TTL: variants seen among roughly 807,000 people sequenced by gnomAD.
TTL encodes the protein tubulin tyrosine ligase.
In TTL, 10 loss-of-function variants were observed where a neutral mutation model predicts 41.1. That is an observed-to-expected ratio of 0.24 (90% CI 0.15 to 0.41). The LOEUF (loss-of-function observed/expected upper bound fraction) is 0.41, where lower values mean the gene tolerates loss of function less well. TTL is among the 10% of genes least tolerant of loss of function. TTL has a pLI of 1.00. For missense variants in TTL, 367 were observed against 460.4 expected, an observed-to-expected ratio of 0.80 and a Z score of 1.86; for synonymous variants, 175 against 175.5, an observed-to-expected ratio of 1.00 and a Z score of 0.02.
chr2:112,526,045 A>G (rs1297848375), intron 6 of TTL, among the ~76,000 whole-genome samples: 1 of 152,202 alleles, frequency 6.6e-6, no homozygotes, highest in East Asian at 1.9e-4. Context: ...TGAGATAATC[A>G]TGTGGTTTTT....
chr2:112,521,144 C>T (rs571070580), intron 6 of TTL: 4 of 983,140 alleles, frequency 4.1e-6, no homozygotes, highest in African/African-American at 1.7e-5. Flanking sequence ...GGTTCCGCTG[C>T]ACCAAAGGTT....
Position 112,539,009 on chromosome 2 carries a change from CAGG to C in TTL, c.*10218_*10220del, listed in dbSNP as rs1682656333. 6.6e-6 allele frequency: 1 copy of C among 150,794 alleles called. No homozygotes were observed. The highest frequency in any genetic ancestry group is 1.5e-5 in the Non-Finnish European group (1 of 68,054). The allele number at this position is 150,794 out of a possible 1,614,324, so 9.3% of individuals were successfully genotyped here. A position where few individuals can be genotyped will look rare whatever the true frequency, so the allele number is the denominator to read the frequency against. On this transcript the variant is annotated 3_prime_UTR_variant, in exon 7 of 7. Coordinates refer to ENST00000233336, the MANE Select transcript of TTL (RefSeq NM_153712.5). ...GCAGGCGCCTGTAATCCCAGCTACT[CAGG>C]AGGCTGAAGCAGGGGAATCACTTGA... is the stretch of plus-strand genomic sequence containing the variant.
rs1049303723 is a variant in TTL at position 112,530,560 on chromosome 2, A to G, written c.*1765A>G. The stretch of plus-strand genomic sequence containing the variant: ...CTGATCGGATCCTGGGAAGATGTAT[A>G]CCCAGTTAGAACGTGTAGGGTTCTG... On this transcript the variant is annotated 3_prime_UTR_variant, in exon 7 of 7. Transcript: ENST00000233336. The G allele has an allele frequency of 3.1e-5, 7 of 228,446 alleles. No individual in the cohort carries two copies. Among genetic ancestry groups the G allele is most frequent in the Admixed American group, 5.7e-5 (1 of 17,572 alleles). The allele number at this position is 228,446 out of a possible 1,614,324, so 14.2% of individuals were successfully genotyped here.
Position 112,482,950 on chromosome 2 carries a change from G to A in TTL, c.157+449G>A, listed in dbSNP as rs1434309442. On this transcript the variant is annotated intron_variant, in intron 1 of 6. Transcript: ENST00000233336. The surrounding 1 kb of genome is among the most constrained non-coding windows in gnomAD (Gnocchi z 5.3). Reference sequence around the variant, plus strand: ...CCCTGCTTGGCGTGGGCGCGGGCGGGGGAGCCGTAGGTGTTGAAACCCCTG... The same window carrying A: ...CCCTGCTTGGCGTGGGCGCGGGCGGAGGAGCCGTAGGTGTTGAAACCCCTG... Among the ~76,000 whole-genome samples, 1 of 152,186 alleles carries A rather than the reference G, an allele frequency of 6.6e-6. No homozygotes were observed. The highest frequency in any genetic ancestry group is 1.5e-5 in the Non-Finnish European group (1 of 68,020).
chr2:112,494,901 C>T lies in TTL; in HGVS notation c.469+526C>T, dbSNP rs559396853. Among the ~76,000 whole-genome samples, 11 of 152,266 alleles carry T rather than the reference C, an allele frequency of 7.2e-5. No individual in the cohort carries two copies. In the South Asian group the frequency reaches 1.9e-3, roughly 26 times the overall value. ...CATTCTTTTTACTGTGTGTAACTGC[C>T]GAGCCTGCTCTCAACCAGTTCTCCT... On this transcript the variant is annotated intron_variant, in intron 3 of 6. Transcript: ENST00000233336.
chr2:112,483,359 C>T (rs1371374519), intron 1 of TTL: 2 of 152,372 alleles, frequency 1.3e-5, no homozygotes, highest in Middle Eastern at 3.4e-3. Context: ...AACTCACATC[C>T]TATTGACCTG....
chr2:112,494,463 C>G, intron 3 of TTL, 88 bp downstream of exon 3: 1 of 1,044,828 alleles, frequency 9.6e-7, no homozygotes, highest in Non-Finnish European at 1.4e-6. Flanking sequence ...TAATCTGAAT[C>G]ATCGAAGGTT....
intron 5 of TTL, among the ~76,000 whole-genome samples, chr2:112,515,948 GAATAAATAAATAAATAAATAAATAAATA>G (rs59842188): frequency 2.1e-5 from 3 of 145,630 alleles, no homozygotes; most frequent in Admixed American, 6.9e-5. Flanking sequence ...CTCCATCTCA[GAATAAATAAATAAATAAATAAATAAATA>G]AATAAATAAA....
At chr2:112,515,263 G>T (rs1276435165) in intron 5 of TTL, among the ~76,000 whole-genome samples, 1 of 152,130 alleles carries the variant, frequency 6.6e-6, no homozygotes, top group Non-Finnish European at 1.5e-5. Context: ...TGTAAGGTCT[G>T]TGGGCAAAGA....
chr2:112,523,989 C>T (rs902201072), intron 6 of TTL, among the ~76,000 whole-genome samples: 24 of 152,158 alleles, frequency 1.6e-4, no homozygotes, highest in African/African-American at 5.6e-4. Context: ...GTTCCCCATC[C>T]TACGTCCAAG....
At chr2:112,503,929 C>A (rs1681771726) in intron 5 of TTL, among the ~76,000 whole-genome samples, 1 of 89,456 alleles carries the variant, frequency 1.1e-5, no homozygotes, top group African/African-American at 4.3e-5. Flanking sequence ...TGTCATCTAG[C>A]ATTAGGTATA....
chr2:112,492,430 C>T (rs1358704722), intron 2 of TTL, among the ~76,000 whole-genome samples: 1 of 151,828 alleles, frequency 6.6e-6, no homozygotes, highest in Non-Finnish European at 1.5e-5. Flanking sequence ...ATTAACAATA[C>T]AAAAATTAGC....
chr2:112,517,209 T>C (rs1682095677), intron 5 of TTL, among the ~76,000 whole-genome samples: 1 of 151,080 alleles, frequency 6.6e-6, no homozygotes, highest in South Asian at 2.1e-4. Flanking sequence ...GATTCTCAGG[T>C]TTTTCTTTAT....
intron 5 of TTL, among the ~76,000 whole-genome samples, chr2:112,503,460 T>C (rs2104460020): frequency 6.7e-6 from 1 of 148,604 alleles, no homozygotes; most frequent in Admixed American, 6.7e-5. Flanking sequence ...TGAGACAGAG[T>C]TTTGCTCTTG....
intron 1 of TTL, 142 bp from the exon 2 acceptor site, chr2:112,485,775 C>T (rs751157685): frequency 2.4e-5 from 18 of 750,384 alleles, no homozygotes; most frequent in Non-Finnish European, 3.8e-5. Flanking sequence ...TCCCTGGGGA[C>T]AGAGAAACAA....
intron 5 of TTL, among the ~76,000 whole-genome samples, chr2:112,520,072 A>T (rs1177046988): frequency 2.7e-5 from 4 of 149,780 alleles, no homozygotes; most frequent in Non-Finnish European, 3.0e-5. Context: ...GGAGGTTGCC[A>T]TGAGCCAAGA....
Position 112,501,213 on chromosome 2 carries a change from C to A in TTL, c.477C>A (p.Gly159=). Residue 159 remains glycine (G), a synonymous_variant, in exon 4 of 7, where the codon GGC becomes GGA. Coordinates refer to ENST00000233336, the MANE Select transcript of TTL (RefSeq NM_153712.5). ...AKSSAGAKGE[G]ILISSEASEL... ...TTGCTTTTTCCCTGTTAGGTGAAGG[C>A]ATTCTCATCTCCTCAGAGGCTTCAG... 6.2e-7 allele frequency: 1 copy of A among 1,610,332 alleles called. No individual in the cohort carries two copies. Among genetic ancestry groups the A allele is most frequent in the Non-Finnish European group, 8.5e-7 (1 of 1,178,826 alleles).
At chr2:112,515,230 G>A (rs756188057) in intron 5 of TTL, among the ~76,000 whole-genome samples, 124 of 152,276 alleles carry the variant, frequency 8.1e-4, no homozygotes, top group Non-Finnish European at 4.3e-4. Flanking sequence ...TGTATGGGCT[G>A]CATATGGCCT....
intron 3 of TTL, among the ~76,000 whole-genome samples, chr2:112,496,981 C>T (rs2943627): frequency 1.3e-5 from 2 of 151,934 alleles, no homozygotes; most frequent in African/African-American, 2.4e-5. Context: ...CCACCACACC[C>T]GGCTAATTTT....
Sources: gnomAD v4.1 joint callset for allele counts (sites outside exome capture counted in the v4.1 genomes callset) on GRCh38, gnomAD v4.1.1 for gene constraint, Gnocchi (gnomAD v3.1) non-coding constraint, MANE v1.5 for transcripts, NCBI Gene and HGNC (gene_info 2026-07-23, HGNC 2026-07-21) for gene names.